LRP5: variants seen among roughly 807,000 people sequenced by gnomAD.
LRP5 encodes the protein LDL receptor related protein 5.
A neutral mutation model predicts 154.1 loss-of-function variants in LRP5; 62 were observed. The observed-to-expected ratio is 0.40, with a 90% CI of 0.33 to 0.50. LRP5 has a LOEUF of 0.50. LRP5 is among the 20% of genes least tolerant of loss of function. LRP5 has a pLI of 0.55. For synonymous variants in LRP5, 966 were observed against 1,011.5 expected, an observed-to-expected ratio of 0.96 and a Z score of 0.85; for missense variants, 1,915 against 2,336.7, an observed-to-expected ratio of 0.82 and a Z score of 3.72.
Position 68,413,138 on chromosome 11 carries a change from C to T in LRP5, c.2504-551C>T, listed in dbSNP as rs1054976028. 1.5e-4 allele frequency: 31 copies of T among 202,864 alleles called. No individual in the cohort carries two copies. The Admixed American group carries it at 1.5e-3, about 10-fold the overall frequency. The allele number at this position is 202,864 out of a possible 1,614,324, so 12.6% of individuals were successfully genotyped here. On this transcript the variant is annotated intron_variant, in intron 11 of 22. Coordinates refer to ENST00000294304, the MANE Select transcript of LRP5 (RefSeq NM_002335.4). The surrounding 1 kb of genome is among the most constrained non-coding windows in gnomAD (Gnocchi z 5.1). ...GGCCGCATGCAAACCTGTTGCCAGG[C>T]GAGAAACCAGTCACCGCACAGCTGT...
intron 1 of LRP5, among the ~76,000 whole-genome samples, chr11:68,317,903 G>A (rs1227530699): frequency 2.6e-5 from 4 of 152,104 alleles, no homozygotes; most frequent in Non-Finnish European, 4.4e-5. Flanking sequence ...CGTGCTTGGG[G>A]TCTCTTGCTG....
At chr11:68,434,802 T>C (rs1937905910) in intron 18 of LRP5, among the ~76,000 whole-genome samples, 3 of 152,214 alleles carry the variant, frequency 2.0e-5, no homozygotes, top group Non-Finnish European at 4.4e-5. Context: ...CCGGCTCTGT[T>C]AGATAATTCA....
intron 3 of LRP5, 103 bp downstream of exon 3, chr11:68,357,950 C>A: frequency 8.8e-7 from 1 of 1,139,914 alleles, no homozygotes; most frequent in South Asian, 1.3e-5. Context: ...CTCTGAAACT[C>A]TGGGGCCCTG....
chr11:68,337,008 C>CT (rs2153123119), intron 1 of LRP5, among the ~76,000 whole-genome samples: 1 of 152,316 alleles, frequency 6.6e-6, no homozygotes, highest in African/African-American at 2.4e-5. Context: ...GGCATCCTTC[C>CT]TTTTTTATAT....
chr11:68,401,178 C>T (rs995770425), intron 7 of LRP5, among the ~76,000 whole-genome samples: 9 of 152,156 alleles, frequency 5.9e-5, no homozygotes, highest in Non-Finnish European at 1.0e-4. Flanking sequence ...ATGGGGCCAA[C>T]CCCTCAGATG....
chr11:68,416,906 C>T (rs951924846), intron 13 of LRP5, among the ~76,000 whole-genome samples: 16 of 152,290 alleles, frequency 1.1e-4, no homozygotes, highest in African/African-American at 3.9e-4. Flanking sequence ...TGTATATGCT[C>T]TTCTGAAAGA....
At chr11:68,365,841 T>C (rs530563786) in intron 5 of LRP5, 139 bp downstream of exon 5, 2 of 867,550 alleles carry the variant, frequency 2.3e-6, no homozygotes, top group Admixed American at 5.4e-5. Context: ...GTGATTCAAG[T>C]CTGTGGTCCC....
chr11:68,299,419 CAGG>C, the LRP5 span, among the ~76,000 whole-genome samples: 2 of 152,002 alleles, frequency 1.3e-5, no homozygotes, highest in African/African-American at 4.8e-5. Flanking sequence ...ATGGCCTTAG[CAGG>C]AGGTGAGGGC....
chr11:68,388,068 A>G (rs559458427), intron 6 of LRP5, among the ~76,000 whole-genome samples: 11 of 152,012 alleles, frequency 7.2e-5, no homozygotes, highest in Non-Finnish European at 1.3e-4. Context: ...CAGCGGGAGC[A>G]CAGCAGGCAG....
At position 68,423,749 on chromosome 11, in the gene LRP5, G is replaced by A. The variant is rs141442559; in HGVS notation, c.3236+52G>A. The A allele has an allele frequency of 2.4e-3, 3,628 of 1,541,426 alleles. 58 individuals carry two copies. The African/African-American group carries it at 0.041, about 17-fold the overall frequency. ...TGCTGCCCGTCCAGGCGTGCCCGCC[G>A]TGTCTTCTGCCGAATGCCAGCCTCT... is the stretch of plus-strand genomic sequence containing the variant. On this transcript the variant is annotated intron_variant, in intron 14 of 22. Coordinates refer to ENST00000294304, the MANE Select transcript of LRP5 (RefSeq NM_002335.4). The surrounding 1 kb of genome is among the most constrained non-coding windows in gnomAD (Gnocchi z 4.7).
rs369143375 is a variant in LRP5 at position 68,346,136 on chromosome 11, C to T, written c.92-1711C>T. On this transcript the variant is annotated intron_variant, in intron 1 of 22. Coordinates refer to ENST00000294304, the MANE Select transcript of LRP5 (RefSeq NM_002335.4). ...TCTGTGGGTTGCCTTTTTACTCTCT[C>T]GATAGTGTCTTTTGATGCACAAAAT... 1.2e-4 allele frequency among the ~76,000 whole-genome samples: 19 copies of T among 152,284 alleles called. No individual in the cohort carries two copies. The South Asian group carries it at 3.7e-3, about 30-fold the overall frequency.
chr11:68,314,339 A>G (rs924590779), intron 1 of LRP5, among the ~76,000 whole-genome samples: 2 of 152,120 alleles, frequency 1.3e-5, no homozygotes, highest in African/African-American at 4.8e-5. Context: ...ATAGCTGTAG[A>G]GTTCAGTTGT....
chr11:68,382,589 C>T (rs115639329), intron 5 of LRP5, among the ~76,000 whole-genome samples: 165 of 152,348 alleles, frequency 1.1e-3, no homozygotes, highest in African/African-American at 3.7e-3. Flanking sequence ...GTCCACCCCT[C>T]CTTCCCTAGC....
chr11:68,312,346 G>T (rs1300400714), upstream of LRP5, among the ~76,000 whole-genome samples: 2 of 151,822 alleles, frequency 1.3e-5, no homozygotes, highest in Non-Finnish European at 2.9e-5. Context: ...TCCGGGCCCC[G>T]ATCGGCCGCC....
chr11:68,409,583 A>G (rs2098658250), intron 9 of LRP5, among the ~76,000 whole-genome samples: 3 of 151,694 alleles, frequency 2.0e-5, no homozygotes, highest in South Asian at 4.2e-4. Flanking sequence ...GTGGTGGCTC[A>G]CGCCTGTAAT....
the LRP5 span, among the ~76,000 whole-genome samples, chr11:68,306,537 C>T: frequency 2.0e-5 from 3 of 152,194 alleles, no homozygotes; most frequent in East Asian, 1.9e-4. Context: ...TAATGACACC[C>T]GGGAAGACCC....
At chr11:68,421,091 G>A (rs1038162829) in intron 13 of LRP5, among the ~76,000 whole-genome samples, 4 of 152,052 alleles carry the variant, frequency 2.6e-5, no homozygotes, top group Non-Finnish European at 5.9e-5. Context: ...GCCAGGTGTG[G>A]TGGCGGGCAC....
At chr11:68,434,483 G>A (rs575600678) in intron 18 of LRP5, among the ~76,000 whole-genome samples, 3 of 152,038 alleles carry the variant, frequency 2.0e-5, no homozygotes, top group African/African-American at 4.8e-5. Context: ...GGGTTCAATC[G>A]ATTCTCCTGC....
chr11:68,379,436 C>G, intron 5 of LRP5, among the ~76,000 whole-genome samples: 1 of 152,128 alleles, frequency 6.6e-6, no homozygotes. Flanking sequence ...GGCTGCTGAC[C>G]AGGAAGCCTG....
Sources: gnomAD v4.1 joint callset for allele counts (sites outside exome capture counted in the v4.1 genomes callset) on GRCh38, gnomAD v4.1.1 for gene constraint, Gnocchi (gnomAD v3.1) non-coding constraint, MANE v1.5 for transcripts, NCBI Gene and HGNC (gene_info 2026-07-23, HGNC 2026-07-21) for gene names.